FLG: variants seen among roughly 807,000 people sequenced by gnomAD.
FLG encodes the protein epidermal filaggrin.
A neutral mutation model predicts 3.8 loss-of-function variants in FLG; 6 were observed. The observed-to-expected ratio is 1.60, with a 90% CI of 0.87 to 3.15. FLG has a LOEUF of 3.15. Ranked by LOEUF, FLG falls within the 30% of genes most tolerant of loss-of-function variation. The pLI, the probability that FLG is intolerant of heterozygous loss-of-function variation, is 0.00. For synonymous variants in FLG, 2,551 were observed against 1,931.6 expected, an observed-to-expected ratio of 1.32 and a Z score of -8.41; for missense variants, 7,595 against 5,050.9, an observed-to-expected ratio of 1.50 and a Z score of -15.27.
Position 152,314,509 on chromosome 1 carries a change from G to T in FLG, c.377C>A (p.Ser126Ter), listed in dbSNP as rs1405588197. Reference sequence around the variant, plus strand: ...TCTATTGTTTCTTCTTTCCAGACTTGAGGGTCTTTTTCTGTTTTCTTTGTT... The same window carrying T: ...TCTATTGTTTCTTCTTTCCAGACTTTAGGGTCTTTTTCTGTTTTCTTTGTT... The part of the protein sequence containing the change: ...EENKENRKRP[S>*]SLERRNNRKG... Residue 126 changes from serine (S) to a stop codon, truncating the protein, a stop_gained, in exon 3 of 3, where the codon TCA (serine) becomes TAA (stop). Coordinates refer to ENST00000368799, the MANE Select transcript of FLG (RefSeq NM_002016.2). LOFTEE classifies it low-confidence loss of function (END_TRUNC). The T allele has an allele frequency of 6.2e-7, 1 of 1,613,158 alleles. No homozygotes were observed. Among genetic ancestry groups the T allele is most frequent in the Non-Finnish European group, 8.5e-7 (1 of 1,179,794 alleles).
chr1:152,304,454 C>A lies in FLG; in HGVS notation c.10432G>T (p.Gly3478Trp), dbSNP rs878979235. The A allele has an allele frequency of 1.9e-6, 3 of 1,612,366 alleles. No homozygotes were observed. The highest frequency in any genetic ancestry group is 2.2e-5 in the South Asian group (2 of 90,662). Residue 3478 changes from glycine to tryptophan, a missense_variant, in exon 3 of 3, where the codon GGG becomes TGG. Transcript: ENST00000368799. ...TSQGRSDASR[G>W]QSGSRSASRQ... is the part of the protein sequence containing the mutation. Reference sequence around the variant, plus strand: ...CTGGCACTTCTGGATCCTGACTGCCCACGGGAGGCATCAGACCTTCCCTGG... The same window carrying A: ...CTGGCACTTCTGGATCCTGACTGCCAACGGGAGGCATCAGACCTTCCCTGG...
rs1557879800 is a variant in FLG, at chr1:152,312,118, G to C, written c.2768C>G (p.Ser923Cys). ...TCCCTGGCCTGCCTGTGAGTGTCTA[G>C]AGATGTCGGCATGAGAGGAAGCTTC... ...HHEASSHADI[S>C]RHSQAGQGQS... The change falls in exon 3 of 3, where the codon TCT becomes TGT. Residue 923 changes from serine (S) to cysteine (C), a missense_variant. Physicochemically the swap from Ser to Cys is moderately radical, Grantham distance 112. Coordinates refer to ENST00000368799, the MANE Select transcript of FLG (RefSeq NM_002016.2). The C allele has an allele frequency of 6.2e-7, 1 of 1,614,100 alleles. No individual in the cohort carries two copies. Among genetic ancestry groups the C allele is most frequent in the Non-Finnish European group, 8.5e-7 (1 of 1,180,018 alleles).
At position 152,308,313 on chromosome 1, in the gene FLG, T is replaced by C; in HGVS notation, c.6573A>G (p.Arg2191=). 1 of 1,613,718 alleles carries C rather than the reference T, an allele frequency of 6.2e-7. No individual in the cohort carries two copies. Among genetic ancestry groups the C allele is most frequent in the Non-Finnish European group, 8.5e-7 (1 of 1,179,770 alleles). ...CTGATTGTTCCTTGTCATATGTTTT[T>C]CTGCTTGCACTTCTGGATCCTGACT... is the stretch of plus-strand genomic sequence containing the variant. The part of the protein sequence containing the change: ...RGQSGSRSAS[R]KTYDKEQSGD... The change falls in exon 3 of 3, where the codon AGA becomes AGG. Residue 2191 remains arginine (R), a synonymous_variant. Transcript: ENST00000368799.
In FLG at chr1:152,313,881, G is replaced by T. The variant is rs1382141473; in HGVS notation, c.1005C>A (p.His335Gln). 6.2e-7 allele frequency: 1 copy of T among 1,613,934 alleles called. No individual in the cohort carries two copies. Among genetic ancestry groups the T allele is most frequent in the Non-Finnish European group, 8.5e-7 (1 of 1,179,936 alleles). ...AWEQSRDGSR[H>Q]PRSHDEDRAS... is the part of the protein sequence containing the mutation. ...CTCTGTCTTCATCATGGGACCTGGG[G>T]TGTCTGGAGCCATCTCTTGACTGCT... Residue 335 changes from histidine (H) to glutamine (Q), a missense_variant, in exon 3 of 3, where the codon CAC becomes CAA. His to Gln is a conservative substitution (Grantham distance 24). Transcript: ENST00000368799.
rs144301371 is a variant in FLG, at chr1:152,308,805, A to G, written c.6081T>C (p.Ala2027=). The G allele has an allele frequency of 1.9e-6, 3 of 1,613,868 alleles. No individual in the cohort carries two copies. The African/African-American group carries it at 4.0e-5, about 22-fold the overall frequency. The change falls in exon 3 of 3, where the codon GCT becomes GCC. Residue 2027 remains alanine (A), a synonymous_variant. Transcript: ENST00000368799. ...SRHSGIGHGQ[A]SSAVRDSGHR... is the part of the protein sequence containing the mutation. ...GTCCACTGTCTCTGACTGCAGATGA[A>G]GCTTGTCCATGCCCAATGCCTGAGT... is the stretch of plus-strand genomic sequence containing the variant.
In FLG at chr1:152,310,600, C is replaced by T. The variant is rs747246697; in HGVS notation, c.4286G>A (p.Gly1429Asp). 262 of 1,613,772 alleles carry T rather than the reference C, an allele frequency of 1.6e-4. No individual in the cohort carries two copies. The highest frequency in any genetic ancestry group is 3.3e-4 in the Middle Eastern group (2 of 6,084). Reference protein sequence around the residue: ...HQQSHKESARGQSGESSGRSR... With the variant: ...HQQSHKESARDQSGESSGRSR... ...ACGTCCAGAGCTTTCCCCTGACTGG[C>T]CACGTGCGGACTCTTTGTGGCTCTG... The change falls in exon 3 of 3, where the codon GGC (glycine) becomes GAC (aspartate). Residue 1429 changes from glycine (G) to aspartate (D), a missense_variant. Coordinates refer to ENST00000368799, the MANE Select transcript of FLG (RefSeq NM_002016.2).
rs763898828 is a variant in FLG at position 152,302,982 on chromosome 1, A to T, written c.11904T>A (p.Gly3968=). The change falls in exon 3 of 3, where the codon GGT becomes GGA. Residue 3968 remains glycine (G), a synonymous_variant. Transcript: ENST00000368799. ...CATGTCTCCAAACTAAACCTGATTG[A>T]CCTTTTTGCCTTTCAGTGCCCTCAG... The part of the protein sequence containing the change: ...YQSEGTERQK[G]QSGLVWRHGS... 1.9e-6 allele frequency: 3 copies of T among 1,614,002 alleles called. No homozygotes were observed. The highest frequency in any genetic ancestry group is 2.5e-6 in the Non-Finnish European group (3 of 1,180,038).
chr1:152,312,587 G>C lies in FLG; in HGVS notation c.2299C>G (p.Gln767Glu), dbSNP rs754404378. Residue 767 changes from glutamine (Q) to glutamate (E), a missense_variant, in exon 3 of 3, where the codon CAG (glutamine) becomes GAG (glutamate). Transcript: ENST00000368799. ...SDTQSVSGHG[Q>E]AGHHQQSHQE... ...TGGCTCTGCTGATGGTGACCAGCCT[G>C]TCCATGGCCTGACACTGACTGTGTG... The C allele has an allele frequency of 3.1e-6, 5 of 1,613,668 alleles. No individual in the cohort carries two copies. In the African/African-American group the frequency reaches 6.7e-5, roughly 22 times the overall value.
chr1:152,308,791 C>T lies in FLG; in HGVS notation c.6095G>A (p.Arg2032Lys), dbSNP rs1219390624. ...ACTGTACCCTCGGTGTCCACTGTCT[C>T]TGACTGCAGATGAAGCTTGTCCATG... is the stretch of plus-strand genomic sequence containing the variant. ...IGHGQASSAV[R>K]DSGHRGYSGS... The change falls in exon 3 of 3, where the codon AGA becomes AAA. Residue 2032 changes from arginine (R) to lysine (K), a missense_variant. Physicochemically the swap from Arg to Lys is conservative, Grantham distance 26. Transcript: ENST00000368799. 3 of 1,614,188 alleles carry T rather than the reference C, an allele frequency of 1.9e-6. No homozygotes were observed. The highest frequency in any genetic ancestry group is 1.1e-5 in the South Asian group (1 of 91,082).
rs532032275 is a variant in FLG at position 152,308,825 on chromosome 1, C to T, written c.6061G>A (p.Gly2021Ser). ...GATGAAGCTTGTCCATGCCCAATGC[C>T]TGAGTGTCTGGAGCTGTCTGCTGAC... ...LQSADSSRHS[G>S]IGHGQASSAV... is the part of the protein sequence containing the mutation. The change falls in exon 3 of 3, where the codon GGC becomes AGC. Residue 2021 changes from glycine (G) to serine (S), a missense_variant. By Grantham distance (56) the Gly-to-Ser change is moderately conservative (BLOSUM62 0). Coordinates refer to ENST00000368799, the MANE Select transcript of FLG (RefSeq NM_002016.2). 1 of 1,614,058 alleles carries T rather than the reference C, an allele frequency of 6.2e-7. No individual in the cohort carries two copies. The highest frequency in any genetic ancestry group is 2.2e-5 in the East Asian group (1 of 44,894).
At position 152,309,151 on chromosome 1, in the gene FLG, C is replaced by T; in HGVS notation, c.5735G>A (p.Arg1912Lys). The change falls in exon 3 of 3, where the codon AGG becomes AAG. Residue 1912 changes from arginine (R) to lysine (K), a missense_variant. By Grantham distance (26) the Arg-to-Lys change is conservative. Coordinates refer to ENST00000368799, the MANE Select transcript of FLG (RefSeq NM_002016.2). ...CTGGCTAACACTGGATCCCTGGTTC[C>T]TGCTTGTCCTGGGCCCTGATGATTG... Reference protein sequence around the residue: ...QGQSSGPRTSRNQGSSVSQDS... With the variant: ...QGQSSGPRTSKNQGSSVSQDS... 6.2e-7 allele frequency: 1 copy of T among 1,613,670 alleles called. No homozygotes were observed. The highest frequency in any genetic ancestry group is 8.5e-7 in the Non-Finnish European group (1 of 1,179,676).
Position 152,303,653 on chromosome 1 carries a change from T to C in FLG, c.11233A>G (p.Ser3745Gly), listed in dbSNP as rs1468178735. Residue 3745 changes from serine to glycine, a missense_variant, in exon 3 of 3, where the codon AGC (serine) becomes GGC (glycine). Physicochemically the swap from Ser to Gly is moderately conservative, Grantham distance 56 (BLOSUM62 0). Coordinates refer to ENST00000368799, the MANE Select transcript of FLG (RefSeq NM_002016.2). ...QGSRHEQARD[S>G]SRHSASQEGQ... ...TCTTGGGACGCTGAGTGCCTGGAGCTGTCTCGTGCCTGCTCGTGGCGGGAT... is the reference window on the plus strand; with the variant it reads ...TCTTGGGACGCTGAGTGCCTGGAGCCGTCTCGTGCCTGCTCGTGGCGGGAT... 1 of 1,613,980 alleles carries C rather than the reference T, an allele frequency of 6.2e-7. No homozygotes were observed. Among genetic ancestry groups the C allele is most frequent in the African/African-American group, 1.3e-5 (1 of 75,034 alleles).
At chr1:152,319,932 C>A (rs796383278) in intron 1 of FLG, among the ~76,000 whole-genome samples, 2 of 151,320 alleles carry the variant, frequency 1.3e-5, no homozygotes, top group South Asian at 4.2e-4. Context: ...TAATAGTAAT[C>A]TTTCAGGATT....
chr1:152,303,575 C>T lies in FLG; in HGVS notation c.11311G>A (p.Gly3771Arg), dbSNP rs756240359. 11 of 1,614,062 alleles carry T rather than the reference C, an allele frequency of 6.8e-6. No homozygotes were observed. Among genetic ancestry groups the T allele is most frequent in the South Asian group, 2.2e-5 (2 of 91,082 alleles). ...TCTACCGATTGCTCGTGGTAGGATCCCTGTCTTCCTCCTCTCCTTGACCCC... is the reference window on the plus strand; with the variant it reads ...TCTACCGATTGCTCGTGGTAGGATCTCTGTCTTCCTCCTCTCCTTGACCCC... ...HPGSRRGGRQGSYHEQSVDRS... is the reference protein window; with the variant it reads ...HPGSRRGGRQRSYHEQSVDRS... Residue 3771 changes from glycine to arginine, a missense_variant, in exon 3 of 3, where the codon GGA (glycine) becomes AGA (arginine). By Grantham distance (125) the Gly-to-Arg change is moderately radical. Transcript: ENST00000368799.
At chr1:152,315,862 G>T (rs536619454) in intron 1 of FLG, among the ~76,000 whole-genome samples, 2 of 152,224 alleles carry the variant, frequency 1.3e-5, no homozygotes, top group East Asian at 3.9e-4. Flanking sequence ...TTCCCCAAAA[G>T]CTAACTTAAT....
In FLG at chr1:152,308,131, T is replaced by C. The variant is rs750594786; in HGVS notation, c.6755A>G (p.His2252Arg). The C allele has an allele frequency of 3.1e-6, 5 of 1,613,888 alleles. No individual in the cohort carries two copies. The highest frequency in any genetic ancestry group is 1.3e-5 in the African/African-American group (1 of 74,842). ...AGACCGCCTCTCAGAATCTTCTGAG[T>C]GTCCCTCACTGTCACTGTCCTGGCT... ...SVSQDSDSEG[H>R]SEDSERRSGS... The change falls in exon 3 of 3, where the codon CAC (histidine) becomes CGC (arginine). Residue 2252 changes from histidine to arginine, a missense_variant. Coordinates refer to ENST00000368799, the MANE Select transcript of FLG (RefSeq NM_002016.2).
At position 152,308,191 on chromosome 1, in the gene FLG, C is replaced by G. The variant is rs766475081; in HGVS notation, c.6695G>C (p.Gly2232Ala). Residue 2232 changes from glycine to alanine, a missense_variant, in exon 3 of 3, where the codon GGG becomes GCG. Physicochemically the swap from Gly to Ala is moderately conservative, Grantham distance 60 (BLOSUM62 0). Coordinates refer to ENST00000368799, the MANE Select transcript of FLG (RefSeq NM_002016.2). ...HSLVGQGQSS[G>A]PRTSRPRGSS... ...TCCCCGGGGCCTGCTTGTCCTGGGC[C>G]CTGATGATTGTCCCTGGCCCACCAG... 1.2e-6 allele frequency: 2 copies of G among 1,613,916 alleles called. No individual in the cohort carries two copies. Among genetic ancestry groups the G allele is most frequent in the South Asian group, 1.1e-5 (1 of 91,070 alleles).
At position 152,314,175 on chromosome 1, in the gene FLG, G is replaced by T; in HGVS notation, c.711C>A (p.Tyr237Ter). Residue 237 changes from tyrosine (Y) to a stop codon, truncating the protein, a stop_gained, in exon 3 of 3, where the codon TAC becomes TAA. Transcript: ENST00000368799. LOFTEE classifies it low-confidence loss of function (END_TRUNC). ...WIQSGHIATYYTIQDEAYDTT... is the reference protein window; with the variant it reads ...WIQSGHIATY The stretch of plus-strand genomic sequence containing the variant: ...TGTCATAGGCTTCATCCTGGATTGT[G>T]TAATATGTGGCAATATGGCCTGATT... The T allele has an allele frequency of 1.2e-6, 2 of 1,614,094 alleles. No individual in the cohort carries two copies. Among genetic ancestry groups the T allele is most frequent in the Non-Finnish European group, 1.7e-6 (2 of 1,180,020 alleles).
chr1:152,322,167 A>G (rs1652999967), intron 1 of FLG, among the ~76,000 whole-genome samples: 1 of 151,230 alleles, frequency 6.6e-6, no homozygotes. Context: ...GAAAGCTTTC[A>G]TCTCCAAGTT....
Sources: gnomAD v4.1 joint callset for allele counts (sites outside exome capture counted in the v4.1 genomes callset) on GRCh38, gnomAD v4.1.1 for gene constraint, MANE v1.5 for transcripts, NCBI Gene and HGNC (gene_info 2026-07-23, HGNC 2026-07-21) for gene names.